CLASP1: variants seen among roughly 807,000 people sequenced by gnomAD.
The protein encoded by CLASP1 is cytoplasmic linker associated protein 1, also known as CLIP-associating protein 1.
Under a neutral mutation model 192.3 loss-of-function variants are expected in CLASP1, and 38 were observed. The observed-to-expected ratio is 0.20, with a 90% confidence interval of 0.15 to 0.26. CLASP1 has a LOEUF of 0.26. Among genes scored for constraint, CLASP1 ranks in the 10% least tolerant of loss-of-function variants. The probability of loss-of-function intolerance (pLI) is 1.00; values close to 1 mark genes in which losing one functional copy is unlikely to be tolerated. For synonymous variants in CLASP1, 691 were observed against 712.8 expected (o/e 0.97, Z 0.49); for missense variants, 1,433 against 1,932.5 (o/e 0.74, Z 4.85).
rs569451499 is a variant in CLASP1, at chr2:121,358,477, G to A, written c.4206+4695C>T. ...AGGCACCTAAGGGCCATTCCTGAGCGCAGGGGGTCTGGCTGAGATGAGGTC... is the reference window on the plus strand; with the variant it reads ...AGGCACCTAAGGGCCATTCCTGAGCACAGGGGGTCTGGCTGAGATGAGGTC... On this transcript the variant is annotated intron_variant, in intron 37 of 39. Coordinates refer to ENST00000263710, the Ensembl canonical transcript of CLASP1. Among the ~76,000 whole-genome samples, 29 of 152,258 alleles carry A rather than the reference G, an allele frequency of 1.9e-4. No homozygotes were observed. The South Asian group carries it at 5.6e-3, about 29-fold the overall frequency.
intron 1 of CLASP1, among the ~76,000 whole-genome samples, chr2:121,615,202 T>C (rs1247516083): frequency 1.3e-5 from 2 of 151,604 alleles, no homozygotes; most frequent in Non-Finnish European, 2.9e-5. Context: ...TAGCCGGGCA[T>C]AGGGCGCACG....
intron 23 of CLASP1, among the ~76,000 whole-genome samples, 135 bp downstream of exon 24, chr2:121,414,006 T>A (rs1053030054): frequency 3.9e-5 from 6 of 152,072 alleles, no homozygotes; most frequent in African/African-American, 1.4e-4. Flanking sequence ...CTTAAAAAAA[T>A]TAAAGCACAT....
At chr2:121,439,187 C>T (rs2082827210) in intron 19 of CLASP1, among the ~76,000 whole-genome samples, 2 of 152,252 alleles carry the variant, frequency 1.3e-5, no homozygotes, top group African/African-American at 4.8e-5. Flanking sequence ...TCCCCTTTAT[C>T]ATTTTTTATT....
At chr2:121,566,565 C>T (rs1393749487) in intron 2 of CLASP1, among the ~76,000 whole-genome samples, 2 of 152,164 alleles carry the variant, frequency 1.3e-5, no homozygotes. Flanking sequence ...GAGCGAGATT[C>T]AAAGCTCCAA....
chr2:121,609,606 C>T (rs929368455), intron 1 of CLASP1, among the ~76,000 whole-genome samples: 1 of 152,168 alleles, frequency 6.6e-6, no homozygotes, highest in Non-Finnish European at 1.5e-5. Flanking sequence ...GCAAGACCTG[C>T]CTTCCACCCC....
intron 1 of CLASP1, among the ~76,000 whole-genome samples, chr2:121,635,217 A>G (rs895983750): frequency 6.6e-6 from 1 of 150,430 alleles, no homozygotes; most frequent in African/African-American, 2.5e-5. Context: ...TGTAAAAAAA[A>G]AAAAGAAAAG....
chr2:121,425,228 G>C (rs745572464), exon 22 of CLASP1: 1 of 1,613,520 alleles, frequency 6.2e-7, no homozygotes, highest in Admixed American at 1.7e-5. Flanking sequence ...TGTCACAGGT[G>C]GGCCTCGTGA....
intron 33 of CLASP1, among the ~76,000 whole-genome samples, chr2:121,381,305 T>G (rs190720381): frequency 7.6e-6 from 1 of 132,082 alleles, no homozygotes; most frequent in Admixed American, 7.5e-5. Context: ...GTAACAGGTC[T>G]TTTTTTTTTT....
At chr2:121,611,335 T>G (rs1160567031) in intron 1 of CLASP1, among the ~76,000 whole-genome samples, 5 of 96,332 alleles carry the variant, frequency 5.2e-5, no homozygotes, top group African/African-American at 1.3e-4. Flanking sequence ...GGAAGAGGAG[T>G]TACAGGAGGA....
chr2:121,398,275 C>A (rs751903886), intron 29 of CLASP1, 47 bp downstream of exon 30: 28 of 1,395,904 alleles, frequency 2.0e-5, no homozygotes, highest in Non-Finnish European at 2.7e-5. Flanking sequence ...TAAATTTAAA[C>A]AAATGTGAGT....
chr2:121,387,809 G>C (rs770896983), exon 31 of CLASP1: 1 of 1,613,780 alleles, frequency 6.2e-7, no homozygotes, highest in Admixed American at 1.7e-5. Context: ...CAGGAGTTTG[G>C]TGGCACCATC....
intron 1 of CLASP1, among the ~76,000 whole-genome samples, chr2:121,638,165 T>G (rs2071263523): frequency 6.6e-6 from 1 of 152,028 alleles, no homozygotes; most frequent in African/African-American, 2.4e-5. Context: ...TGAACAGACA[T>G]TTCTCCAAAG....
At chr2:121,356,524 C>T (rs2065419049) in intron 37 of CLASP1, among the ~76,000 whole-genome samples, 1 of 152,200 alleles carries the variant, frequency 6.6e-6, no homozygotes, top group Non-Finnish European at 1.5e-5. Context: ...ATCAACTAGC[C>T]AAGCGAGCTT....
intron 19 of CLASP1, among the ~76,000 whole-genome samples, chr2:121,442,481 C>CA (rs2083505212): frequency 6.9e-6 from 1 of 144,404 alleles, no homozygotes; most frequent in Non-Finnish European, 1.5e-5. Flanking sequence ...AAATTTCTTT[C>CA]TTTTTTTTTT....
intron 1 of CLASP1, among the ~76,000 whole-genome samples, chr2:121,607,375 A>G (rs1009051018): frequency 6.6e-6 from 1 of 152,208 alleles, no homozygotes; most frequent in Non-Finnish European, 1.5e-5. Context: ...TATTCTGATC[A>G]GTTATTGACA....
chr2:121,403,234 G>C (rs972837139), intron 26 of CLASP1, among the ~76,000 whole-genome samples: 10 of 152,128 alleles, frequency 6.6e-5, no homozygotes, highest in African/African-American at 2.4e-4. Context: ...AGCTGTTGTG[G>C]GGGGAGGGGA....
intron 8 of CLASP1, among the ~76,000 whole-genome samples, chr2:121,485,634 C>T (rs1183540617): frequency 3.9e-5 from 6 of 152,110 alleles, no homozygotes; most frequent in Admixed American, 3.3e-4. Flanking sequence ...GAGGTCAAGG[C>T]GGGCGGATCA....
At chr2:121,546,687 T>C (rs1160711415) in intron 2 of CLASP1, among the ~76,000 whole-genome samples, 7 of 151,694 alleles carry the variant, frequency 4.6e-5, no homozygotes, top group Non-Finnish European at 1.0e-4. Context: ...CTTGGCAGAG[T>C]AGTTTCTCAG....
At chr2:121,465,321 G>T (rs1021868219) in intron 9 of CLASP1, among the ~76,000 whole-genome samples, 1 of 152,182 alleles carries the variant, frequency 6.6e-6, no homozygotes, top group Non-Finnish European at 1.5e-5. Flanking sequence ...GTTCAGCAAA[G>T]TCTCAGGATA....
Sources: allele counts gnomAD v4.1 joint callset (sites outside exome capture counted in the v4.1 genomes callset), GRCh38; gene constraint gnomAD v4.1.1; transcripts MANE v1.5; gene names NCBI Gene and HGNC (gene_info 2026-07-23, HGNC 2026-07-21).